PLCE1: variants seen among roughly 807,000 people sequenced by gnomAD.
PLCE1 encodes the protein 1-phosphatidylinositol 4,5-bisphosphate phosphodiesterase epsilon-1.
PLCE1 carries 119 observed loss-of-function variants against 242.8 expected under a neutral mutation model. The observed-to-expected ratio is 0.49, with a 90% confidence interval of 0.42 to 0.57. The LOEUF (loss-of-function observed/expected upper bound fraction) is 0.57. PLCE1 is among the 20% of genes least tolerant of loss of function. PLCE1 has a pLI of 0.00. For synonymous variants in PLCE1, 945 were observed against 1,017.4 expected (o/e 0.93, Z 1.35); for missense variants, 2,441 against 2,788.8 (o/e 0.88, Z 2.81).
At chr10:94,204,450 C>T (rs190362708) in intron 4 of PLCE1, among the ~76,000 whole-genome samples, 3 of 151,888 alleles carry the variant, frequency 2.0e-5, no homozygotes, top group Admixed American at 6.6e-5. Context: ...GGGTGAATCA[C>T]GAGGTCAGGA....
intron 1 of PLCE1, among the ~76,000 whole-genome samples, chr10:93,996,355 G>C (rs141750699): frequency 4.5e-4 from 68 of 152,348 alleles, no homozygotes; most frequent in Admixed American, 1.3e-3. Context: ...CCAACGTTCA[G>C]TTGAGATCTG....
At position 94,246,105 on chromosome 10, in the gene PLCE1, C is replaced by T; in HGVS notation, c.2580C>T (p.Phe860=). The T allele has an allele frequency of 6.2e-7, 1 of 1,614,142 alleles. No individual in the cohort carries two copies. Among genetic ancestry groups the T allele is most frequent in the African/African-American group, 1.3e-5 (1 of 75,046 alleles). Residue 860 remains phenylalanine, a synonymous_variant, in exon 8 of 33, where the codon TTC becomes TTT. Coordinates refer to ENST00000371380, the MANE Select transcript of PLCE1 (RefSeq NM_016341.4). ...VLSIQADVHQ[F]LLQGATVIHY... ...CCATCCAAGCCGATGTGCACCAGTT[C>T]CTGCTGCAGGGGGCCACGGTCATCC... is the stretch of plus-strand genomic sequence containing the variant.
intron 2 of PLCE1, among the ~76,000 whole-genome samples, chr10:94,080,306 C>G (rs1347290229): frequency 1.3e-5 from 2 of 152,188 alleles, no homozygotes; most frequent in East Asian, 3.8e-4. Flanking sequence ...GGGACACACT[C>G]TCCTAGCTAC....
intron 3 of PLCE1, among the ~76,000 whole-genome samples, chr10:94,163,174 G>A (rs939538561): frequency 5.3e-5 from 8 of 152,124 alleles, no homozygotes; most frequent in Non-Finnish European, 1.0e-4. Context: ...TATTAGGTCC[G>A]CTTCGTGCAG....
intron 8 of PLCE1, among the ~76,000 whole-genome samples, chr10:94,246,849 C>T (rs923768814): frequency 3.9e-5 from 6 of 152,296 alleles, no homozygotes; most frequent in South Asian, 2.1e-4. Context: ...CTGTGGCTCA[C>T]GCCTGTAATC....
At chr10:94,243,382 C>T (rs1435588360) in intron 7 of PLCE1, among the ~76,000 whole-genome samples, 1 of 152,032 alleles carries the variant, frequency 6.6e-6, no homozygotes, top group Non-Finnish European at 1.5e-5. Context: ...CCTAAAGAGA[C>T]CTGACAAGTA....
In PLCE1 at chr10:94,252,462, A is replaced by C. The variant is rs1171315179; in HGVS notation, c.3243A>C (p.Ile1081=). The change falls in exon 9 of 33, where the codon ATA becomes ATC. Residue 1081 remains isoleucine, a synonymous_variant. Coordinates refer to ENST00000371380, the MANE Select transcript of PLCE1 (RefSeq NM_016341.4). ...TGCAGAGAAACAATACCCTGGGCAT[A>C]AGCACTACCAAGAAAAAGAAGAAAA... The part of the protein sequence containing the change: ...PNMQRNNTLG[I]STTKKKKKIL... 1 of 1,613,980 alleles carries C rather than the reference A, an allele frequency of 6.2e-7. No individual in the cohort carries two copies. Among genetic ancestry groups the C allele is most frequent in the South Asian group, 1.1e-5 (1 of 91,068 alleles).
In PLCE1 at chr10:94,259,112, C is replaced by A; in HGVS notation, c.3776C>A (p.Thr1259Lys). Residue 1259 changes from threonine (T) to lysine (K), a missense_variant, in exon 13 of 33, where the codon ACA becomes AAA. Physicochemically the swap from Thr to Lys is moderately conservative, Grantham distance 78. Around this residue, in one of 5 missense-constraint regions of PLCE1, gnomAD observed 1,004 missense variants for 1,322.7 expected, o/e 0.76. Coordinates refer to ENST00000371380, the MANE Select transcript of PLCE1 (RefSeq NM_016341.4). ...SESAPLYTNL[T>K]IDENTSDLQP... ...TCAGCCCCACTCTACACCAACCTGACAATTGATGAAAACACCAGCGATCTT... is the reference window on the plus strand; with the variant it reads ...TCAGCCCCACTCTACACCAACCTGAAAATTGATGAAAACACCAGCGATCTT... The A allele has an allele frequency of 2.5e-6, 4 of 1,614,058 alleles. No individual in the cohort carries two copies. The highest frequency in any genetic ancestry group is 3.4e-6 in the Non-Finnish European group (4 of 1,179,984).
At chr10:94,192,274 A>C (rs10882403) in intron 4 of PLCE1, among the ~76,000 whole-genome samples, 1 of 152,084 alleles carries the variant, frequency 6.6e-6, no homozygotes, top group African/African-American at 2.4e-5. Context: ...TTTGGGGTAC[A>C]AATGATCCTG....
intron 2 of PLCE1, among the ~76,000 whole-genome samples, chr10:94,090,967 G>A (rs2045045061): frequency 6.6e-6 from 1 of 152,134 alleles, no homozygotes; most frequent in African/African-American, 2.4e-5. Context: ...ATTGTGCTGT[G>A]TCCATTCTAT....
chr10:94,258,694 T>C, intron 11 of PLCE1, 106 bp from the exon 12 acceptor site: 1 of 1,300,576 alleles, frequency 7.7e-7, no homozygotes, highest in Non-Finnish European at 1.1e-6. Context: ...CTTAAATAAC[T>C]TGCACTCATC....
intron 1 of PLCE1, among the ~76,000 whole-genome samples, chr10:94,025,192 C>G (rs2061436227): frequency 6.6e-6 from 1 of 152,102 alleles, no homozygotes; most frequent in Non-Finnish European, 1.5e-5. Context: ...AGGGCAGACT[C>G]TATTCCTTCA....
At chr10:94,228,479 T>C (rs746642372) in intron 5 of PLCE1, among the ~76,000 whole-genome samples, 8 of 152,158 alleles carry the variant, frequency 5.3e-5, no homozygotes, top group Non-Finnish European at 8.8e-5. Flanking sequence ...AATAATATAG[T>C]ATTTGACACA....
Position 94,270,483 on chromosome 10 carries a change from T to A in PLCE1, c.4390-3T>A. ...CTCTAATGAGCTGTTTTGGCTCTCATAGGAAGTGGTTGAAGCCATTGATCG... is the reference window on the plus strand; with the variant it reads ...CTCTAATGAGCTGTTTTGGCTCTCAAAGGAAGTGGTTGAAGCCATTGATCG... On this transcript the variant is annotated splice_polypyrimidine_tract_variant and splice_region_variant and intron_variant, in intron 17 of 32. Coordinates refer to ENST00000371380, the MANE Select transcript of PLCE1 (RefSeq NM_016341.4). 1 of 1,602,128 alleles carries A rather than the reference T, an allele frequency of 6.2e-7. No homozygotes were observed. Among genetic ancestry groups the A allele is most frequent in the South Asian group, 1.1e-5 (1 of 90,804 alleles).
intron 3 of PLCE1, among the ~76,000 whole-genome samples, chr10:94,139,664 T>A (rs1442413825): frequency 6.6e-6 from 1 of 151,588 alleles, no homozygotes; most frequent in Non-Finnish European, 1.5e-5. Flanking sequence ...CCAGGGCAGC[T>A]GTGCTGGGTG....
chr10:94,223,123 T>C (rs2049813304), intron 4 of PLCE1, among the ~76,000 whole-genome samples: 1 of 149,304 alleles, frequency 6.7e-6, no homozygotes, highest in African/African-American at 2.5e-5. Flanking sequence ...TGCCAGGCCG[T>C]GTGTGGTGGA....
chr10:94,326,335 C>CA (rs2133932043), intron 32 of PLCE1, among the ~76,000 whole-genome samples: 1 of 152,218 alleles, frequency 6.6e-6, no homozygotes, highest in South Asian at 2.1e-4. Context: ...TAAAACAGCC[C>CA]AAAAGAAGGC....
chr10:94,131,748 A>C (rs2046604626), intron 2 of PLCE1, among the ~76,000 whole-genome samples: 1 of 152,208 alleles, frequency 6.6e-6, no homozygotes, highest in Non-Finnish European at 1.5e-5. Flanking sequence ...TTAAGCATGG[A>C]GAAAAGATTT....
At chr10:93,999,754 C>T (rs997797234) in intron 1 of PLCE1, among the ~76,000 whole-genome samples, 14 of 152,162 alleles carry the variant, frequency 9.2e-5, no homozygotes, top group East Asian at 3.9e-4. Context: ...GCTCTGCTCC[C>T]GCCTCTGCCT....
Sources: allele counts gnomAD v4.1 joint callset (sites outside exome capture counted in the v4.1 genomes callset), GRCh38; gene constraint gnomAD v4.1.1; regional missense constraint gnomAD v4.1.1; transcripts MANE v1.5; gene names NCBI Gene and HGNC (gene_info 2026-07-23, HGNC 2026-07-21).